Variants in RBFOX1 observed in about 807,000 individuals in gnomAD.
RBFOX1 encodes RNA binding protein fox-1 homolog 1.
A neutral mutation model predicts 57.7 loss-of-function variants in RBFOX1; 8 were observed. The ratio of observed to expected loss-of-function variants is 0.14; its 90% CI spans 0.08 to 0.25. The LOEUF (loss-of-function observed/expected upper bound fraction) is 0.25. Ranked by LOEUF, RBFOX1 falls within the 10% of genes least tolerant of loss-of-function variation. RBFOX1 has a pLI of 1.00. For synonymous variants in RBFOX1, 326 were observed against 222.4 expected (o/e 1.47, Z -4.15); for missense variants, 611 against 548.5 (o/e 1.11, Z -1.14).
chr16:6,341,992 C>G (rs549710845), intron 2 of RBFOX1, among the ~76,000 whole-genome samples: 3 of 152,294 alleles, frequency 2.0e-5, no homozygotes, highest in South Asian at 4.1e-4. Context: ...TTCTCCTTTG[C>G]AATAAAACAT....
intron 3 of RBFOX1, among the ~76,000 whole-genome samples, chr16:5,707,712 C>G (rs1178024860): frequency 6.6e-6 from 1 of 152,172 alleles, no homozygotes; most frequent in South Asian, 2.1e-4. Context: ...ATAGCCTCAT[C>G]TGTTAAATAG....
intron 4 of RBFOX1, among the ~76,000 whole-genome samples, chr16:5,902,741 C>T (rs951482933): frequency 3.3e-5 from 5 of 152,000 alleles, no homozygotes; most frequent in Admixed American, 6.6e-5. Flanking sequence ...GGACAAGAAG[C>T]CTTCATCAAT....
chr16:6,099,229 C>G (rs987503942), intron 1 of RBFOX1, among the ~76,000 whole-genome samples: 2 of 152,160 alleles, frequency 1.3e-5, no homozygotes, highest in African/African-American at 2.4e-5. Context: ...GTTAAGAGGG[C>G]CTGCCATTTG....
At chr16:7,164,976 C>A (rs1214619949) in intron 4 of RBFOX1, among the ~76,000 whole-genome samples, 5 of 152,164 alleles carry the variant, frequency 3.3e-5, no homozygotes, top group African/African-American at 1.2e-4. Flanking sequence ...ACAGTAACCT[C>A]TCCCTGAATT....
chr16:5,961,714 G>C (rs560546747), intron 4 of RBFOX1, among the ~76,000 whole-genome samples: 20 of 152,126 alleles, frequency 1.3e-4, no homozygotes, highest in African/African-American at 4.8e-4. Flanking sequence ...TTTTGGTAGA[G>C]ATGAGGTTTT....
Position 7,073,531 on chromosome 16 carries a change from A to G in RBFOX1, c.27+21433A>G, listed in dbSNP as rs566801140. Among the ~76,000 whole-genome samples, 348 of 152,292 alleles carry G rather than the reference A, an allele frequency of 2.3e-3. 4 individuals are homozygous for G. Among genetic ancestry groups the G allele is most frequent in the African/African-American group, 7.9e-3 (327 of 41,582 alleles). On this transcript the variant is annotated intron_variant, in intron 4 of 15. Coordinates refer to ENST00000550418, the MANE Select transcript of RBFOX1 (RefSeq NM_018723.4). The stretch of plus-strand genomic sequence containing the variant: ...GAAATCCACACAATTGAAATGTCCA[A>G]TGGTAAATGTCCAGTAATGATAAAT...
intron 3 of RBFOX1, among the ~76,000 whole-genome samples, chr16:6,881,889 T>A (rs1011600445): frequency 3.9e-5 from 6 of 152,170 alleles, no homozygotes; most frequent in Admixed American, 2.6e-4. Context: ...GTTTCACAGC[T>A]GGAGTTGCTG....
chr16:7,205,920 A>G (rs1022368002), intron 4 of RBFOX1, among the ~76,000 whole-genome samples: 2 of 152,252 alleles, frequency 1.3e-5, no homozygotes, highest in Non-Finnish European at 2.9e-5. Flanking sequence ...TTCGGTGTTT[A>G]TGCTAGAATA....
At chr16:7,411,281 C>T (rs545563930) in intron 4 of RBFOX1, among the ~76,000 whole-genome samples, 1 of 152,078 alleles carries the variant, frequency 6.6e-6, no homozygotes, top group East Asian at 1.9e-4. Context: ...AGAACTTTGT[C>T]TTGAGGGTTG....
In RBFOX1 at chr16:6,317,573, T is replaced by G. The variant is rs1382975078; in HGVS notation, c.-64+516T>G. ...AAAAAAGAAATTTTTTACTTTAAGATGCTGGGGTACATTATAGAAATTTCA... is the reference window on the plus strand; with the variant it reads ...AAAAAAGAAATTTTTTACTTTAAGAGGCTGGGGTACATTATAGAAATTTCA... On this transcript the variant is annotated intron_variant, in intron 2 of 15. Coordinates refer to ENST00000550418, the MANE Select transcript of RBFOX1 (RefSeq NM_018723.4). Among the ~76,000 whole-genome samples the G allele has an allele frequency of 2.6e-5, 4 of 152,304 alleles. No homozygotes were observed. The South Asian group carries it at 8.3e-4, about 32-fold the overall frequency.
intron 4 of RBFOX1, among the ~76,000 whole-genome samples, chr16:7,466,598 A>G (rs1011186555): frequency 5.3e-5 from 8 of 152,172 alleles, no homozygotes; most frequent in African/African-American, 1.2e-4. Context: ...AATGTCATTG[A>G]TCTGGATCCC....
chr16:7,183,454 T>A (rs1257987015), intron 4 of RBFOX1, among the ~76,000 whole-genome samples: 4 of 152,214 alleles, frequency 2.6e-5, no homozygotes, highest in Admixed American at 2.0e-4. Context: ...TCTCTATTGT[T>A]ATTAAATAGT....
chr16:7,518,596 T>C (rs1219661774), intron 5 of RBFOX1, among the ~76,000 whole-genome samples: 1 of 152,262 alleles, frequency 6.6e-6, no homozygotes, highest in Non-Finnish European at 1.5e-5. Context: ...GGATTATTAA[T>C]TAATTTCATT....
At position 5,370,165 on chromosome 16, in the gene RBFOX1, C is replaced by T. The variant is rs78490220; in HGVS notation, c.220-97051C>T. ...TCTTTTTGGAGTTGCAAAGCTCACTCCTGCCCACTCTGGAAACTTCTCTCC... is the reference window on the plus strand; with the variant it reads ...TCTTTTTGGAGTTGCAAAGCTCACTTCTGCCCACTCTGGAAACTTCTCTCC... On this transcript the variant is annotated intron_variant, in intron 1 of 2. Transcript: ENST00000585867. Among the ~76,000 whole-genome samples the T allele has an allele frequency of 1.5e-3, 223 of 152,284 alleles. 10 individuals carry two copies. The East Asian group carries it at 0.036, about 25-fold the overall frequency.
chr16:6,627,626 G>A (rs748808419), intron 2 of RBFOX1, among the ~76,000 whole-genome samples: 1 of 152,136 alleles, frequency 6.6e-6, no homozygotes, highest in Non-Finnish European at 1.5e-5. Context: ...CTATACTTAA[G>A]AATATAAGAT....
chr16:5,647,387 T>G (rs1338448999), intron 3 of RBFOX1, among the ~76,000 whole-genome samples: 1 of 152,190 alleles, frequency 6.6e-6, no homozygotes, highest in African/African-American at 2.4e-5. Context: ...TAAATGTGCC[T>G]GCAATTTATT....
At chr16:5,940,867 C>T (rs533891564) in intron 4 of RBFOX1, among the ~76,000 whole-genome samples, 1 of 152,108 alleles carries the variant, frequency 6.6e-6, no homozygotes, top group African/African-American at 2.4e-5. Context: ...GGTTCCAACC[C>T]TGCGTTTACA....
chr16:5,519,402 C>A (rs189067278), intron 2 of RBFOX1, among the ~76,000 whole-genome samples: 121 of 152,214 alleles, frequency 7.9e-4, no homozygotes, highest in African/African-American at 2.8e-3. Flanking sequence ...TGGTAGGAGG[C>A]AGATATGCTC....
intron 1 of RBFOX1, among the ~76,000 whole-genome samples, chr16:6,075,712 C>T (rs565820402): frequency 3.8e-4 from 58 of 152,298 alleles, no homozygotes; most frequent in African/African-American, 1.3e-3. Context: ...AATGTAGTTC[C>T]TCCCTCCTTA....
Sources: gnomAD v4.1 joint callset for allele counts (sites outside exome capture counted in the v4.1 genomes callset) on GRCh38, gnomAD v4.1.1 for gene constraint, MANE v1.5 for transcripts, NCBI Gene and HGNC (gene_info 2026-07-23, HGNC 2026-07-21) for gene names.